SLC1A1: variants seen among roughly 807,000 people sequenced by gnomAD.
SLC1A1 encodes the protein excitatory amino acid transporter 3.
In SLC1A1, 43 loss-of-function variants were observed where a neutral mutation model predicts 53.3. The observed-to-expected ratio is 0.81, with a 90% CI of 0.63 to 1.04. The LOEUF is 1.04. Ranked by LOEUF, SLC1A1 falls within the 50% of genes least tolerant of loss-of-function variation. The pLI is 0.00. For missense variants in SLC1A1, 748 were observed against 664.9 expected, an observed-to-expected ratio of 1.12 and a Z score of -1.37; for synonymous variants, 307 against 243.2, an observed-to-expected ratio of 1.26 and a Z score of -2.44.
intron 1 of SLC1A1, among the ~76,000 whole-genome samples, chr9:4,523,213 T>TCTTA (rs1816143871): frequency 6.6e-6 from 1 of 152,132 alleles, no homozygotes; most frequent in Non-Finnish European, 1.5e-5. Context: ...GAGGGAAGGG[T>TCTTA]CTTACATCAT....
At chr9:4,560,133 C>A (rs1342332912) in intron 2 of SLC1A1, 1 of 152,126 alleles carries the variant, frequency 6.6e-6, no homozygotes, top group Non-Finnish European at 1.5e-5. Flanking sequence ...AATATCTTTC[C>A]TTTTTCAAAT....
chr9:4,496,851 ACATCATT>A (rs1820443333), intron 1 of SLC1A1, among the ~76,000 whole-genome samples: 1 of 152,186 alleles, frequency 6.6e-6, no homozygotes, highest in Non-Finnish European at 1.5e-5. Flanking sequence ...GAGCTTGATC[ACATCATT>A]GTACACTCCA....
intron 1 of SLC1A1, among the ~76,000 whole-genome samples, chr9:4,499,680 T>A (rs529944935): frequency 6.6e-6 from 1 of 152,376 alleles, no homozygotes; most frequent in South Asian, 2.1e-4. Flanking sequence ...TATACAATCT[T>A]AATGCCTCCT....
chr9:4,533,967 C>T (rs538156277), intron 1 of SLC1A1, among the ~76,000 whole-genome samples: 1 of 152,056 alleles, frequency 6.6e-6, no homozygotes, highest in South Asian at 2.1e-4. Context: ...CTACTGGGTA[C>T]ATAACGAAAT....
At chr9:4,546,071 G>T (rs1258563030) in intron 2 of SLC1A1, among the ~76,000 whole-genome samples, 1 of 152,058 alleles carries the variant, frequency 6.6e-6, no homozygotes, top group Admixed American at 6.5e-5. Flanking sequence ...GCACGGGAGG[G>T]TGGGGGTCAG....
intron 1 of SLC1A1, among the ~76,000 whole-genome samples, chr9:4,503,491 A>C (rs1285170892): frequency 6.6e-6 from 1 of 151,796 alleles, no homozygotes; most frequent in Non-Finnish European, 1.5e-5. Context: ...AGGAGGCTGC[A>C]GCATGCTGTG....
At chr9:4,533,680 C>G (rs1816562942) in intron 1 of SLC1A1, among the ~76,000 whole-genome samples, 1 of 152,024 alleles carries the variant, frequency 6.6e-6, no homozygotes, top group Admixed American at 6.5e-5. Flanking sequence ...ACAAGGATAT[C>G]CAGGAATTGA....
intron 2 of SLC1A1, among the ~76,000 whole-genome samples, chr9:4,555,970 A>G (rs1186599540): frequency 1.3e-5 from 2 of 149,270 alleles, no homozygotes; most frequent in African/African-American, 4.9e-5. Context: ...TTAAAAATAG[A>G]CATACAAAAT....
In SLC1A1 at chr9:4,533,378, G is replaced by A. The variant is rs566479092; in HGVS notation, c.92-11189G>A. Among the ~76,000 whole-genome samples, 6 of 152,168 alleles carry A rather than the reference G, an allele frequency of 3.9e-5. No individual in the cohort carries two copies. In the East Asian group the frequency reaches 9.7e-4, roughly 25 times the overall value. ...AAAGGGATGGAGGAAGATCTACCAA[G>A]CAAATGGAAAACAAAAAAAGGCAGG... On this transcript the variant is annotated intron_variant, in intron 1 of 11. Coordinates refer to ENST00000262352, the MANE Select transcript of SLC1A1 (RefSeq NM_004170.6).
At chr9:4,562,635 C>G (rs1223714772) in intron 3 of SLC1A1, among the ~76,000 whole-genome samples, 2 of 152,022 alleles carry the variant, frequency 1.3e-5, no homozygotes, top group African/African-American at 4.8e-5. Context: ...AGAAGAATGC[C>G]CAATTCCCAC....
intron 1 of SLC1A1, among the ~76,000 whole-genome samples, chr9:4,503,310 TG>T (rs1820696742): frequency 1.3e-5 from 2 of 151,976 alleles, no homozygotes; most frequent in South Asian, 4.1e-4. Context: ...TGTTTGTTGC[TG>T]GGAAAAGTTT....
In SLC1A1 at chr9:4,561,517, A is replaced by G. The variant is rs1209945800; in HGVS notation, c.301A>G (p.Thr101Ala). The G allele has an allele frequency of 6.3e-7, 1 of 1,599,416 alleles. No homozygotes were observed. The highest frequency in any genetic ancestry group is 8.6e-7 in the Non-Finnish European group (1 of 1,166,818). Residue 101 changes from threonine (T) to alanine (A), a missense_variant, in exon 3 of 12, where the codon ACC (threonine) becomes GCC (alanine). Thr to Ala is a moderately conservative substitution (Grantham distance 58). Transcript: ENST00000262352. ...GCGCGCTGTCGTGTATTATTTCTGT[A>G]CCACTCTCATTGCTGTTATTCTAGG... ...GLRAVVYYFC[T>A]TLIAVILGIV...
At position 4,556,247 on chromosome 9, in the gene SLC1A1, T is replaced by C. The variant is rs1818369885; in HGVS notation, c.233-5202T>C. 6.6e-6 allele frequency among the ~76,000 whole-genome samples: 1 copy of C among 152,188 alleles called. No homozygotes were observed. Among genetic ancestry groups the C allele is most frequent in the African/African-American group, 2.4e-5 (1 of 41,450 alleles). On this transcript the variant is annotated intron_variant, in intron 2 of 11. Coordinates refer to ENST00000262352, the MANE Select transcript of SLC1A1 (RefSeq NM_004170.6). This position sits in a 1 kb window ranked among gnomAD's most constrained non-coding sequence, Gnocchi z 4.1. ...GTTGGCCAGGCTGGTCTCAAACTCC[T>C]GACCTCAGGTGATCCACCTGCCTGG...
At chr9:4,572,498 A>G (rs1820150437) in intron 7 of SLC1A1, 110 bp downstream of exon 7, 3 of 980,538 alleles carry the variant, frequency 3.1e-6, no homozygotes, top group Non-Finnish European at 4.9e-6. Flanking sequence ...GAGAAGTTGG[A>G]CATTTAATAT....
intron 7 of SLC1A1, among the ~76,000 whole-genome samples, chr9:4,572,713 A>AT (rs953795345): frequency 1.3e-5 from 2 of 151,880 alleles, no homozygotes; most frequent in African/African-American, 2.4e-5. Flanking sequence ...ATGCCCAGCT[A>AT]TTTTTTTGTA....
In SLC1A1 at chr9:4,549,794, C is replaced by T. The variant is rs186454008; in HGVS notation, c.232+5087C>T. Among the ~76,000 whole-genome samples the T allele has an allele frequency of 3.0e-3, 456 of 152,246 alleles. 3 individuals are homozygous for T. The highest frequency in any genetic ancestry group is 9.8e-3 in the African/African-American group (407 of 41,546). On this transcript the variant is annotated intron_variant, in intron 2 of 11. Coordinates refer to ENST00000262352, the MANE Select transcript of SLC1A1 (RefSeq NM_004170.6). The surrounding 1 kb of genome is among the most constrained non-coding windows in gnomAD (Gnocchi z 4.1). ...CATAGACTCCATACCATAGTACCTGCTGGGTTATTGCAACCACCCTGCTTG... is the reference window on the plus strand; with the variant it reads ...CATAGACTCCATACCATAGTACCTGTTGGGTTATTGCAACCACCCTGCTTG...
chr9:4,541,045 T>G (rs1816961403), intron 1 of SLC1A1, among the ~76,000 whole-genome samples: 1 of 152,154 alleles, frequency 6.6e-6, no homozygotes, highest in Non-Finnish European at 1.5e-5. Context: ...GTGTCTGTGG[T>G]GGGAAGGAAG....
intron 1 of SLC1A1, among the ~76,000 whole-genome samples, chr9:4,533,022 T>C (rs1320345388): frequency 1.3e-5 from 2 of 152,168 alleles, no homozygotes; most frequent in East Asian, 1.9e-4. Context: ...CTGAGAGATT[T>C]TGTCACCACT....
rs759277116 is a variant in SLC1A1 at position 4,585,552 on chromosome 9, G to A, written c.1569G>A (p.Gln523=). 6.2e-6 allele frequency: 10 copies of A among 1,614,210 alleles called. No individual in the cohort carries two copies. The highest frequency in any genetic ancestry group is 8.5e-6 in the Non-Finnish European group (10 of 1,180,042). ...SDTISFTQTS[Q]F is the part of the protein sequence containing the mutation. ...CCATCTCATTCACCCAGACCTCACA[G>A]TTCTAGGGCCCCTGGCTGCAGATGA... The change falls in exon 12 of 12, where the codon CAG becomes CAA. Residue 523 remains glutamine, a synonymous_variant. Transcript: ENST00000262352.
Sources: gnomAD v4.1 joint callset for allele counts (sites outside exome capture counted in the v4.1 genomes callset) on GRCh38, gnomAD v4.1.1 for gene constraint, Gnocchi (gnomAD v3.1) non-coding constraint, MANE v1.5 for transcripts, NCBI Gene and HGNC (gene_info 2026-07-23, HGNC 2026-07-21) for gene names.